Variants in GRID1 observed in about 807,000 individuals in gnomAD.
GRID1 encodes the protein glutamate ionotropic receptor delta type subunit 1, also known as glutamate receptor ionotropic, delta-1.
GRID1 carries 28 observed loss-of-function variants against 98.0 expected under a neutral mutation model. That is an observed-to-expected ratio of 0.29 (90% CI 0.21 to 0.39). GRID1 has a LOEUF of 0.39. GRID1 is among the 10% of genes least tolerant of loss of function. The probability of loss-of-function intolerance (pLI) is 1.00; values close to 1 mark genes in which losing one functional copy is unlikely to be tolerated. For synonymous variants in GRID1, 553 were observed against 538.5 expected, an observed-to-expected ratio of 1.03 and a Z score of -0.37; for missense variants, 1,111 against 1,340.5, an observed-to-expected ratio of 0.83 and a Z score of 2.67.
chr10:85,613,717 T>TGCCCCACCATGCTG (rs2132514616), intron 14 of GRID1, 70 bp from the exon 15 acceptor site: 1 of 1,538,874 alleles, frequency 6.5e-7, no homozygotes, highest in African/African-American at 1.4e-5. Flanking sequence ...CCCTGGCCCC[T>TGCCCCACCATGCTG]GCCCCACCAT....
At chr10:86,000,068 A>G (rs575237348) in intron 4 of GRID1, among the ~76,000 whole-genome samples, 1 of 152,370 alleles carries the variant, frequency 6.6e-6, no homozygotes, top group Admixed American at 6.5e-5. Flanking sequence ...ATGTCTATAT[A>G]GAAAACCTCA....
At chr10:85,958,230 C>T (rs748191578) in intron 4 of GRID1, among the ~76,000 whole-genome samples, 10 of 152,240 alleles carry the variant, frequency 6.6e-5, no homozygotes, top group Non-Finnish European at 1.0e-4. Context: ...CAGTCTCTCT[C>T]ATGGCACCAT....
At chr10:86,184,842 A>T (rs1282052749) in intron 3 of GRID1, among the ~76,000 whole-genome samples, 1 of 152,216 alleles carries the variant, frequency 6.6e-6, no homozygotes, top group Non-Finnish European at 1.5e-5. Context: ...AATCCATTGT[A>T]TCTATAAACT....
At chr10:85,910,096 C>G (rs1312101663) in intron 5 of GRID1, among the ~76,000 whole-genome samples, 1 of 152,122 alleles carries the variant, frequency 6.6e-6, no homozygotes, top group African/African-American at 2.4e-5. Flanking sequence ...CTCAAAGATT[C>G]CTCAATGAGG....
At chr10:86,078,441 G>A (rs1227436106) in intron 4 of GRID1, among the ~76,000 whole-genome samples, 2 of 152,230 alleles carry the variant, frequency 1.3e-5, no homozygotes, top group Non-Finnish European at 2.9e-5. Flanking sequence ...TGGGTGGAAC[G>A]GGTGCTCCGC....
At chr10:85,694,084 A>C (rs1239237915) in intron 12 of GRID1, among the ~76,000 whole-genome samples, 1 of 152,168 alleles carries the variant, frequency 6.6e-6, no homozygotes, top group African/African-American at 2.4e-5. Context: ...CTCAACAACA[A>C]AGCAAAGAAC....
chr10:86,155,045 T>A (rs897770599), intron 3 of GRID1, among the ~76,000 whole-genome samples: 1 of 152,234 alleles, frequency 6.6e-6, no homozygotes, highest in Non-Finnish European at 1.5e-5. Flanking sequence ...GCCCCTGCCC[T>A]GAGTCTTTCT....
chr10:85,724,391 T>C lies in GRID1; in HGVS notation c.1819A>G (p.Ser607Gly), dbSNP rs1301999565. The change falls in exon 11 of 16, where the codon AGC (serine) becomes GGC (glycine). Residue 607 changes from serine to glycine, a missense_variant. Ser to Gly is a moderately conservative substitution (Grantham distance 56, BLOSUM62 0). This residue lies in a region of GRID1 where 762 missense variants were observed against 869.1 expected (regional missense o/e 0.88). Coordinates refer to ENST00000327946, the MANE Select transcript of GRID1 (RefSeq NM_017551.3). ...PRPSASATLH[S>G]AIWIVYGAFV... ...GCTCCATAGACAATCCAGATGGCGC[T>C]GTGCAGAGTGGCAGAAGCTGACGGC... is the stretch of plus-strand genomic sequence containing the variant. The C allele has an allele frequency of 1.9e-5, 31 of 1,614,036 alleles. No homozygotes were observed. Among genetic ancestry groups the C allele is most frequent in the Non-Finnish European group, 2.4e-5 (28 of 1,180,024 alleles).
intron 4 of GRID1, among the ~76,000 whole-genome samples, chr10:86,097,029 C>A (rs1407459037): frequency 6.6e-6 from 1 of 152,222 alleles, no homozygotes; most frequent in Non-Finnish European, 1.5e-5. Flanking sequence ...TGGGCAACAA[C>A]TCCAGGCTTC....
intron 13 of GRID1, among the ~76,000 whole-genome samples, chr10:85,644,683 A>G (rs966491460): frequency 6.6e-5 from 10 of 152,110 alleles, no homozygotes; most frequent in Admixed American, 6.5e-5. Context: ...TTTTGGGTGG[A>G]TACATTGGAG....
chr10:85,969,582 C>G (rs1290968856), intron 4 of GRID1, among the ~76,000 whole-genome samples: 6 of 151,796 alleles, frequency 4.0e-5, no homozygotes, highest in Non-Finnish European at 8.8e-5. Flanking sequence ...GACCACAAAC[C>G]CCTCAATAAT....
At position 85,854,626 on chromosome 10, in the gene GRID1, G is replaced by A. The variant is rs759690418; in HGVS notation, c.1114-11C>T. 3 of 1,613,878 alleles carry A rather than the reference G, an allele frequency of 1.9e-6. No homozygotes were observed. The highest frequency in any genetic ancestry group is 3.3e-5 in the Admixed American group (2 of 59,984). ...GCCAGTGATGTGGCCCTGCAGAAGA[G>A]GAGAAAAACCCATTGGAAAATCTGG... On this transcript the variant is annotated splice_polypyrimidine_tract_variant and intron_variant, in intron 7 of 15. Coordinates refer to ENST00000327946, the MANE Select transcript of GRID1 (RefSeq NM_017551.3).
At chr10:85,686,901 C>T (rs1841275666) in intron 12 of GRID1, among the ~76,000 whole-genome samples, 1 of 151,842 alleles carries the variant, frequency 6.6e-6, no homozygotes, top group Non-Finnish European at 1.5e-5. Flanking sequence ...CACATAGGAC[C>T]TAATATTTAT....
intron 12 of GRID1, among the ~76,000 whole-genome samples, chr10:85,720,571 G>A (rs1441341943): frequency 4.0e-5 from 6 of 150,212 alleles, no homozygotes; most frequent in Admixed American, 1.3e-4. Context: ...CATGGAGGAC[G>A]GATAGCCTTT....
chr10:86,013,391 A>G (rs1272943263), intron 4 of GRID1, among the ~76,000 whole-genome samples: 1 of 152,240 alleles, frequency 6.6e-6, no homozygotes, highest in African/African-American at 2.4e-5. Flanking sequence ...TAACTTTCTA[A>G]GTTGGCAGAT....
At chr10:86,077,156 A>C in intron 4 of GRID1, among the ~76,000 whole-genome samples, 1 of 138,278 alleles carries the variant, frequency 7.2e-6, no homozygotes, top group East Asian at 2.0e-4. Flanking sequence ...GTTGAGCTGG[A>C]CTCTCCTCCC....
chr10:85,616,173 G>A (rs190897926), intron 14 of GRID1, among the ~76,000 whole-genome samples: 29 of 152,298 alleles, frequency 1.9e-4, no homozygotes, highest in Admixed American at 1.7e-3. Context: ...TGACATGAGC[G>A]ACCTTTTATA....
intron 4 of GRID1, among the ~76,000 whole-genome samples, chr10:85,929,238 A>T (rs898980305): frequency 6.6e-6 from 1 of 152,180 alleles, no homozygotes; most frequent in African/African-American, 2.4e-5. Flanking sequence ...CCAGCACAGG[A>T]CCTAGGCTTA....
At chr10:86,095,059 G>A (rs1844201776) in intron 4 of GRID1, among the ~76,000 whole-genome samples, 1 of 152,128 alleles carries the variant, frequency 6.6e-6, no homozygotes, top group South Asian at 2.1e-4. Flanking sequence ...ACAGCCAACT[G>A]ATCTTTGACA....
Sources: gnomAD v4.1 joint callset for allele counts (sites outside exome capture counted in the v4.1 genomes callset) on GRCh38, gnomAD v4.1.1 for gene constraint, gnomAD v4.1.1 regional missense constraint, MANE v1.5 for transcripts, NCBI Gene and HGNC (gene_info 2026-07-23, HGNC 2026-07-21) for gene names.